The following GALNTL6 variants were observed in gnomAD, a reference collection of about 807,000 sequenced individuals.
GALNTL6 encodes the protein polypeptide N-acetylgalactosaminyltransferase like 6.
In GALNTL6, 46 loss-of-function variants were observed where a neutral mutation model predicts 73.7. The ratio of observed to expected loss-of-function variants is 0.62; its 90% CI spans 0.49 to 0.80. The LOEUF (loss-of-function observed/expected upper bound fraction) is 0.80, where lower values mean the gene tolerates loss of function less well. GALNTL6 is among the 30% of genes least tolerant of loss of function. GALNTL6 has a pLI of 0.00. For synonymous variants in GALNTL6, 259 were observed against 263.7 expected, an observed-to-expected ratio of 0.98 and a Z score of 0.17; for missense variants, 604 against 755.0, an observed-to-expected ratio of 0.80 and a Z score of 2.34.
chr4:172,232,064 T>C (rs1388024711), intron 3 of GALNTL6, among the ~76,000 whole-genome samples: 1 of 152,004 alleles, frequency 6.6e-6, no homozygotes, highest in Non-Finnish European at 1.5e-5. Flanking sequence ...ATTATTTTTA[T>C]ACAGTGAAAT....
intron 3 of GALNTL6, among the ~76,000 whole-genome samples, chr4:172,249,685 C>T (rs1387951241): frequency 6.6e-6 from 1 of 152,154 alleles, no homozygotes; most frequent in Admixed American, 6.5e-5. Flanking sequence ...CTAAAAGGGG[C>T]CAAGATACAA....
At chr4:173,007,498 C>CA (rs1195121463) in intron 10 of GALNTL6, among the ~76,000 whole-genome samples, 4 of 152,106 alleles carry the variant, frequency 2.6e-5, no homozygotes, top group African/African-American at 7.2e-5. Flanking sequence ...ATTGGCGAAA[C>CA]CTTCAAGCAG....
intron 5 of GALNTL6, among the ~76,000 whole-genome samples, chr4:172,382,153 A>G (rs1425197794): frequency 1.3e-5 from 2 of 152,082 alleles, no homozygotes; most frequent in African/African-American, 4.8e-5. Flanking sequence ...GTTTTAGTAG[A>G]GACAGGGGTT....
chr4:172,208,969 C>A (rs1736234414), intron 2 of GALNTL6, among the ~76,000 whole-genome samples: 1 of 152,092 alleles, frequency 6.6e-6, no homozygotes, highest in South Asian at 2.1e-4. Context: ...AATAATTGCA[C>A]AAAATACATG....
In GALNTL6 at chr4:172,334,597, G is replaced by T. The variant is rs200349046; in HGVS notation, c.387-13926G>T. On this transcript the variant is annotated intron_variant, in intron 4 of 12. Transcript: ENST00000506823. ...TTTTTTATCCTGAAACTTTACTGAA[G>T]TCGCTTATTAGTTCTAGGAGCTGTT... Among the ~76,000 whole-genome samples the T allele has an allele frequency of 8.0e-4, 122 of 152,220 alleles. 2 individuals carry two copies. In the South Asian group the frequency reaches 0.016, roughly 20 times the overall value.
intron 4 of GALNTL6, among the ~76,000 whole-genome samples, chr4:172,335,088 C>A (rs976910371): frequency 7.2e-5 from 11 of 151,816 alleles, no homozygotes; most frequent in African/African-American, 2.2e-4. Flanking sequence ...TCACACCATA[C>A]AGGCACCCGC....
chr4:171,818,473 T>G (rs1734585301), intron 2 of GALNTL6, among the ~76,000 whole-genome samples: 1 of 150,378 alleles, frequency 6.6e-6, no homozygotes, highest in South Asian at 2.1e-4. Flanking sequence ...TCTTGCAATT[T>G]TTTAAATAAA....
At chr4:172,139,988 T>G (rs1733759659) in intron 2 of GALNTL6, among the ~76,000 whole-genome samples, 1 of 135,368 alleles carries the variant, frequency 7.4e-6, no homozygotes, top group South Asian at 2.2e-4. Flanking sequence ...TTATTAACAT[T>G]GTTTAAATAG....
intron 5 of GALNTL6, among the ~76,000 whole-genome samples, chr4:172,699,142 T>A (rs1040002958): frequency 2.0e-5 from 3 of 152,032 alleles, no homozygotes; most frequent in Non-Finnish European, 4.4e-5. Context: ...TTCATGAGGA[T>A]CTTAATCTTA....
chr4:172,734,574 C>T (rs1736341005), intron 5 of GALNTL6, among the ~76,000 whole-genome samples: 1 of 152,222 alleles, frequency 6.6e-6, no homozygotes, highest in Non-Finnish European at 1.5e-5. Flanking sequence ...ATCCAGGTCA[C>T]ACTGCCGCAA....
At chr4:172,247,880 A>G (rs1014393706) in intron 3 of GALNTL6, among the ~76,000 whole-genome samples, 3 of 152,208 alleles carry the variant, frequency 2.0e-5, no homozygotes, top group Non-Finnish European at 4.4e-5. Context: ...GATATTGTAA[A>G]AGTATTATTA....
intron 11 of GALNTL6, among the ~76,000 whole-genome samples, chr4:173,018,944 C>A (rs57729723): frequency 0.018 from 2,790 of 152,278 alleles, 96 homozygotes; most frequent in African/African-American, 0.064. Context: ...TTCCAACAGA[C>A]TTCCTTGGAG....
At chr4:172,217,212 ACT>A (rs1313654508) in intron 2 of GALNTL6, among the ~76,000 whole-genome samples, 1 of 151,918 alleles carries the variant, frequency 6.6e-6, no homozygotes, top group African/African-American at 2.4e-5. Context: ...GTTAATAGAG[ACT>A]CTCTACAGAT....
chr4:172,644,554 G>A (rs1314526665), intron 5 of GALNTL6, among the ~76,000 whole-genome samples: 1 of 151,826 alleles, frequency 6.6e-6, no homozygotes, highest in Non-Finnish European at 1.5e-5. Flanking sequence ...AGTCATTCAT[G>A]TATTGCATGT....
intron 2 of GALNTL6, among the ~76,000 whole-genome samples, chr4:172,159,831 T>C (rs1216066221): frequency 1.3e-5 from 2 of 152,144 alleles, no homozygotes; most frequent in East Asian, 1.9e-4. Flanking sequence ...GCAAAGTAGA[T>C]TGGAGGAAGG....
chr4:171,907,230 G>C (rs1008552977), intron 2 of GALNTL6, among the ~76,000 whole-genome samples: 5 of 152,072 alleles, frequency 3.3e-5, no homozygotes, highest in African/African-American at 1.2e-4. Context: ...TGACATGATT[G>C]TGTATCTAGA....
chr4:172,854,989 C>T lies in GALNTL6; in HGVS notation c.924-27801C>T, dbSNP rs74633663. On this transcript the variant is annotated intron_variant, in intron 7 of 12. Transcript: ENST00000506823. ...TTATGAAATTGACTTGGGAAAGATGCCTCAGTAAATCTAGAACACATTTTT... is the reference window on the plus strand; with the variant it reads ...TTATGAAATTGACTTGGGAAAGATGTCTCAGTAAATCTAGAACACATTTTT... Among the ~76,000 whole-genome samples the T allele has an allele frequency of 3.8e-3, 573 of 152,126 alleles. 11 individuals are homozygous for T. In the East Asian group the frequency reaches 0.068, roughly 18 times the overall value.
chr4:172,814,059 T>C (rs1444179448), intron 7 of GALNTL6, among the ~76,000 whole-genome samples: 1 of 152,222 alleles, frequency 6.6e-6, no homozygotes, highest in Non-Finnish European at 1.5e-5. Flanking sequence ...TTTTGACTTT[T>C]CCCTAAAGGA....
chr4:172,142,395 C>CT (rs1733824640), intron 2 of GALNTL6, among the ~76,000 whole-genome samples: 1 of 152,026 alleles, frequency 6.6e-6, no homozygotes, highest in Non-Finnish European at 1.5e-5. Flanking sequence ...TCACTGCTTC[C>CT]TCCACCATAT....
Sources: gnomAD v4.1 joint callset for allele counts (sites outside exome capture counted in the v4.1 genomes callset) on GRCh38, gnomAD v4.1.1 for gene constraint, MANE v1.5 for transcripts, NCBI Gene and HGNC (gene_info 2026-07-23, HGNC 2026-07-21) for gene names.